Variants in BBS9 observed in about 807,000 individuals in gnomAD.
BBS9 encodes the protein protein PTHB1.
A neutral mutation model predicts 117.7 loss-of-function variants in BBS9; 89 were observed. The observed-to-expected ratio is 0.76, with a 90% CI of 0.64 to 0.90. The LOEUF (loss-of-function observed/expected upper bound fraction) is 0.90, where lower values mean the gene tolerates loss of function less well. Ranked by LOEUF, BBS9 falls within the 40% of genes least tolerant of loss-of-function variation. The pLI, the probability that BBS9 is intolerant of heterozygous loss-of-function variation, is 0.00. For missense variants in BBS9, 982 were observed against 1,042.2 expected, an observed-to-expected ratio of 0.94 and a Z score of 0.80; for synonymous variants, 379 against 370.9, an observed-to-expected ratio of 1.02 and a Z score of -0.25.
chr7:33,484,167 TAAATC>T (rs1287563607), intron 19 of BBS9, among the ~76,000 whole-genome samples: 1 of 152,194 alleles, frequency 6.6e-6, no homozygotes, highest in Non-Finnish European at 1.5e-5. Flanking sequence ...ATAAGCCACT[TAAATC>T]AAATTCAGCA....
At chr7:33,520,421 A>G (rs996797907) in intron 20 of BBS9, among the ~76,000 whole-genome samples, 1 of 152,190 alleles carries the variant, frequency 6.6e-6, no homozygotes, top group Admixed American at 6.5e-5. Flanking sequence ...AAGTAAGAAT[A>G]ATGGTATGGG....
chr7:33,214,259 T>C (rs1441488577), intron 5 of BBS9, among the ~76,000 whole-genome samples: 1 of 152,180 alleles, frequency 6.6e-6, no homozygotes, highest in Non-Finnish European at 1.5e-5. Flanking sequence ...CTCTCTGTTA[T>C]ATCAGGGCAG....
At chr7:33,495,145 A>G (rs1844540312) in intron 19 of BBS9, among the ~76,000 whole-genome samples, 1 of 152,238 alleles carries the variant, frequency 6.6e-6, no homozygotes, top group Non-Finnish European at 1.5e-5. Flanking sequence ...CTCTATTGTG[A>G]AAATGTCACT....
At position 33,574,698 on chromosome 7, in the gene BBS9, CA is replaced by C. The variant is rs1373409790; in HGVS notation, c.2522-30166del. On this transcript the variant is annotated intron_variant, in intron 21 of 22. Transcript: ENST00000242067. Reference sequence around the variant, plus strand: ...AAGTCATAGAAAACACACACACACACACACACACACACACACACACACACAC... The same window carrying C: ...AAGTCATAGAAAACACACACACACACCACACACACACACACACACACACAC... Among the ~76,000 whole-genome samples the C allele has an allele frequency of 3.5e-3, 488 of 138,806 alleles. 4 individuals carry two copies. The highest frequency in any genetic ancestry group is 0.014 in the African/African-American group (462 of 33,388). 91.1% of individuals were successfully genotyped at this position (138,806 alleles called of 152,430 possible).
intron 4 of BBS9, among the ~76,000 whole-genome samples, chr7:33,163,565 G>A (rs964086144): frequency 6.6e-6 from 1 of 152,172 alleles, no homozygotes; most frequent in Admixed American, 6.5e-5. Context: ...TTGGGCGGGT[G>A]TATGTGTCCA....
chr7:33,367,907 G>A (rs776434158), intron 17 of BBS9, 45 bp downstream of exon 17: 1 of 1,460,782 alleles, frequency 6.8e-7, no homozygotes, highest in Non-Finnish European at 9.6e-7. Context: ...TTTTTTCTAA[G>A]GATACCACAT....
chr7:33,565,805 A>ACCGC (rs1181834615), intron 21 of BBS9, among the ~76,000 whole-genome samples: 2 of 55,598 alleles, frequency 3.6e-5, no homozygotes, highest in African/African-American at 1.4e-4. Context: ...ATATATATAT[A>ACCGC]TATATATATA....
chr7:33,483,188 A>G (rs534952959), intron 19 of BBS9, among the ~76,000 whole-genome samples: 3 of 152,310 alleles, frequency 2.0e-5, no homozygotes, highest in African/African-American at 7.2e-5. Flanking sequence ...GACCTTGAGC[A>G]GAAAATCCTT....
intron 9 of BBS9, among the ~76,000 whole-genome samples, chr7:33,320,097 G>T (rs1187486580): frequency 6.6e-6 from 1 of 151,930 alleles, no homozygotes; most frequent in African/African-American, 2.4e-5. Context: ...TCCCTTCTTT[G>T]TATTACAAAC....
rs76536160 is a variant in BBS9, at chr7:33,135,215, G to A, written c.-12+5174G>A. Reference sequence around the variant, plus strand: ...CCCTTATTTATTTTTTATTGCTCACGTTTCTGGTGTCAAATCTAAGAATCC... The same window carrying A: ...CCCTTATTTATTTTTTATTGCTCACATTTCTGGTGTCAAATCTAAGAATCC... On this transcript the variant is annotated intron_variant, in intron 1 of 22. Coordinates refer to ENST00000242067, the MANE Select transcript of BBS9 (RefSeq NM_198428.3). Among the ~76,000 whole-genome samples the A allele has an allele frequency of 0.018, 2,782 of 152,180 alleles. 235 individuals carry two copies. In the East Asian group the frequency reaches 0.28, roughly 15 times the overall value.
chr7:33,578,156 G>A (rs1294721934), intron 21 of BBS9, among the ~76,000 whole-genome samples: 1 of 152,106 alleles, frequency 6.6e-6, no homozygotes, highest in Non-Finnish European at 1.5e-5. Flanking sequence ...CTATTATCAT[G>A]CCTTCACACA....
At chr7:33,297,196 A>G (rs916207951) in intron 9 of BBS9, among the ~76,000 whole-genome samples, 1 of 152,158 alleles carries the variant, frequency 6.6e-6, no homozygotes, top group African/African-American at 2.4e-5. Flanking sequence ...TTTAGTGGAT[A>G]TCTCAGATGG....
intron 19 of BBS9, 150 bp downstream of exon 19, chr7:33,388,294 C>A (rs578069800): frequency 4.1e-6 from 4 of 984,448 alleles, no homozygotes; most frequent in Non-Finnish European, 6.0e-6. Context: ...GTCAGAAAAA[C>A]CTAGGTTCAA....
Position 33,273,862 on chromosome 7 carries a change from CATA to C in BBS9, c.927_929del (p.Asn310del). 6.2e-7 allele frequency: 1 copy of C among 1,610,272 alleles called. No homozygotes were observed. Among genetic ancestry groups the C allele is most frequent in the Non-Finnish European group, 8.5e-7 (1 of 1,176,738 alleles). On this transcript the variant is annotated inframe_deletion, in exon 9 of 23. Transcript: ENST00000242067. ...AACAATAAATACTTTGATTGGAAAT[CATA>C]ATAACATGCTGCATATTTATCAAGA... is the stretch of plus-strand genomic sequence containing the variant.
At chr7:33,250,299 C>T (rs1796027533) in intron 5 of BBS9, among the ~76,000 whole-genome samples, 1 of 152,032 alleles carries the variant, frequency 6.6e-6, no homozygotes, top group Non-Finnish European at 1.5e-5. Flanking sequence ...TAACAGAAGG[C>T]CAGAAATGTA....
rs556877071 is a variant in BBS9 at position 33,146,110 on chromosome 7, T to C, written c.-11-132T>C. ...CCATTTGGATTTGTGGTTTCAAATA[T>C]GTGTACAAAATATTAAAAAGTTAAT... On this transcript the variant is annotated intron_variant, in intron 1 of 22. Coordinates refer to ENST00000242067, the MANE Select transcript of BBS9 (RefSeq NM_198428.3). 1.1e-4 allele frequency: 71 copies of C among 649,984 alleles called. No homozygotes were observed. The East Asian group carries it at 1.8e-3, about 17-fold the overall frequency. 40.3% of individuals were successfully genotyped at this position (649,984 alleles called of 1,614,324 possible).
chr7:33,635,181 C>T lies in BBS9; in HGVS notation c.2526C>T (p.Pro842=), dbSNP rs146091323. Among the ~76,000 whole-genome samples the T allele has an allele frequency of 5.4e-3, 822 of 152,084 alleles. 8 individuals carry two copies. The highest frequency in any genetic ancestry group is 0.019 in the African/African-American group (803 of 41,488). The change falls in exon 22 of 22, where the codon CCC becomes CCT. Residue 842 remains proline (P), a synonymous_variant. Transcript: ENST00000671952. ...TCCATCTCTCTCTGTTCACAGACCC[C>T]AGGACTGGACAGAGGATCGAGGCCT...
chr7:33,218,808 T>G (rs962063606), intron 5 of BBS9, among the ~76,000 whole-genome samples: 4 of 152,288 alleles, frequency 2.6e-5, no homozygotes, highest in African/African-American at 7.2e-5. Context: ...GGTGACAGCG[T>G]GCTGGCAGCC....
chr7:33,482,487 A>G (rs1328282286), intron 19 of BBS9, among the ~76,000 whole-genome samples: 1 of 152,204 alleles, frequency 6.6e-6, no homozygotes, highest in Non-Finnish European at 1.5e-5. Flanking sequence ...GATGGCTCAA[A>G]ATAGGAAATA....
Sources: allele counts gnomAD v4.1 joint callset (sites outside exome capture counted in the v4.1 genomes callset), GRCh38; gene constraint gnomAD v4.1.1; transcripts MANE v1.5; gene names NCBI Gene and HGNC (gene_info 2026-07-23, HGNC 2026-07-21).